AQP8: variants seen among roughly 807,000 people sequenced by gnomAD.
AQP8 encodes aquaporin 8.
In AQP8, 14 loss-of-function variants were observed where a neutral mutation model predicts 26.1. The ratio of observed to expected loss-of-function variants is 0.54; its 90% CI spans 0.35 to 0.84. AQP8 has a LOEUF of 0.84. AQP8 is among the 40% of genes least tolerant of loss of function. The pLI is 0.01. For synonymous variants in AQP8, 131 were observed against 150.7 expected (o/e 0.87, Z 0.96); for missense variants, 301 against 340.5 (o/e 0.88, Z 0.91).
chr16:25,227,406 G>T (rs1257750269), intron 5 of AQP8, among the ~76,000 whole-genome samples: 2 of 152,218 alleles, frequency 1.3e-5, no homozygotes, highest in Non-Finnish European at 2.9e-5. Context: ...ATGTCATAAA[G>T]AGGAATTCAT....
At chr16:25,217,107 GC>G (rs1229672170) in intron 1 of AQP8, 50 bp downstream of exon 1, 1 of 1,613,762 alleles carries the variant, frequency 6.2e-7, no homozygotes, top group East Asian at 2.2e-5. Context: ...AGCAAGGGGG[GC>G]TGTGAATTAA....
chr16:25,220,497 G>T lies in AQP8; in HGVS notation c.261-960G>T, dbSNP rs1209723318. Among the ~76,000 whole-genome samples, 2 of 152,090 alleles carry T rather than the reference G, an allele frequency of 1.3e-5. 1 individual carries two copies. Among genetic ancestry groups the T allele is most frequent in the Non-Finnish European group, 2.9e-5 (2 of 68,018 alleles). ...GAAGGCTCTTTACCCATGAGCCAGG[G>T]GGTGGCTGATCAACTGCAACCTGCC... On this transcript the variant is annotated intron_variant, in intron 2 of 5. Coordinates refer to ENST00000219660, the MANE Select transcript of AQP8 (RefSeq NM_001169.3).
chr16:25,217,599 C>T (rs1252117294), intron 2 of AQP8, among the ~76,000 whole-genome samples, 154 bp downstream of exon 2: 2 of 152,262 alleles, frequency 1.3e-5, no homozygotes, highest in Admixed American at 6.5e-5. Flanking sequence ...CTGGGGTCAA[C>T]TCCAGACCCC....
chr16:25,217,069 G>A lies in AQP8; in HGVS notation c.12+12G>A, dbSNP rs1265843099. Reference sequence around the variant, plus strand: ...TGATGTCTGGAGAGGTGAGCCCTCTGTCGGCATCTTCCTCTCCAGGCTGGC... The same window carrying A: ...TGATGTCTGGAGAGGTGAGCCCTCTATCGGCATCTTCCTCTCCAGGCTGGC... On this transcript the variant is annotated intron_variant, in intron 1 of 5. Transcript: ENST00000219660. 1 of 1,613,986 alleles carries A rather than the reference G, an allele frequency of 6.2e-7. No homozygotes were observed. The highest frequency in any genetic ancestry group is 8.5e-7 in the Non-Finnish European group (1 of 1,180,034).
rs956542440 is a variant in AQP8, at chr16:25,226,629, C to T, written c.603-439C>T. On this transcript the variant is annotated intron_variant, in intron 4 of 5. Transcript: ENST00000219660. ...ACGTCAAAGTAAACGGGGTATTCAT[C>T]CCCTCAAGCATTTATTCTTTGGGTC... Among the ~76,000 whole-genome samples the T allele has an allele frequency of 3.9e-5, 6 of 152,282 alleles. No homozygotes were observed. The South Asian group carries it at 8.3e-4, about 21-fold the overall frequency.
chr16:25,228,114 A>T (rs989869744), intron 5 of AQP8, among the ~76,000 whole-genome samples: 5 of 151,894 alleles, frequency 3.3e-5, no homozygotes, highest in African/African-American at 7.2e-5. Flanking sequence ...TAAAAATACA[A>T]AAATCAGCCA....
intron 4 of AQP8, 127 bp downstream of exon 4, chr16:25,224,703 G>T (rs1057465310): frequency 1.7e-5 from 17 of 982,870 alleles, no homozygotes; most frequent in Non-Finnish European, 2.5e-5. Flanking sequence ...AAATGGGGAG[G>T]GGGGCTGGCA....
chr16:25,217,532 C>A, intron 2 of AQP8, 87 bp downstream of exon 2: 1 of 1,533,114 alleles, frequency 6.5e-7, no homozygotes, highest in Non-Finnish European at 8.8e-7. Flanking sequence ...CCCCTGGGCG[C>A]ATACGTATTC....
intron 2 of AQP8, among the ~76,000 whole-genome samples, chr16:25,220,879 C>T (rs571476477): frequency 6.6e-5 from 10 of 152,240 alleles, no homozygotes; most frequent in African/African-American, 2.2e-4. Flanking sequence ...GGTGAAACCT[C>T]GTCTCTACTA....
intron 4 of AQP8, among the ~76,000 whole-genome samples, chr16:25,225,852 C>G (rs935121549): frequency 8.5e-5 from 13 of 152,132 alleles, no homozygotes; most frequent in Non-Finnish European, 1.6e-4. Flanking sequence ...GATTCTGGGT[C>G]TTAAGCTTGT....
Position 25,217,388 on chromosome 16 carries a change from C to CGCT in AQP8, c.204_205insCTG (p.Pro68_Ala69insLeu), listed in dbSNP as rs762037590. ...GGGACGGACACTGGGCTGCTGCAGC[C>CGCT]GGCCCTGGCCCACGGGCTGGCTTTG... is the stretch of plus-strand genomic sequence containing the variant. On this transcript the variant is annotated inframe_insertion, in exon 2 of 6. Coordinates refer to ENST00000219660, the MANE Select transcript of AQP8 (RefSeq NM_001169.3). 1.2e-6 allele frequency: 2 copies of CGCT among 1,614,016 alleles called. No individual in the cohort carries two copies. The highest frequency in any genetic ancestry group is 2.7e-5 in the African/African-American group (2 of 74,924).
At position 25,218,332 on chromosome 16, in the gene AQP8, CAAG is replaced by C. The variant is rs776683973; in HGVS notation, c.260+891_260+893del. On this transcript the variant is annotated intron_variant, in intron 2 of 5. Coordinates refer to ENST00000219660, the MANE Select transcript of AQP8 (RefSeq NM_001169.3). The stretch of plus-strand genomic sequence containing the variant: ...TGGTCCTGGCTTGTCAAGAGGTGAT[CAAG>C]AAGGAGGGGCAGGGAAAGGGACAGG... Among the ~76,000 whole-genome samples the C allele has an allele frequency of 1.1e-3, 161 of 152,206 alleles. 1 individual carries two copies. The highest frequency in any genetic ancestry group is 1.8e-3 in the Non-Finnish European group (121 of 68,012).
chr16:25,221,569 G>A lies in AQP8; in HGVS notation c.373G>A (p.Ala125Thr). 1 of 1,613,966 alleles carries A rather than the reference G, an allele frequency of 6.2e-7. No individual in the cohort carries two copies. The highest frequency in any genetic ancestry group is 8.5e-7 in the Non-Finnish European group (1 of 1,179,966). Residue 125 changes from alanine to threonine, a missense_variant, in exon 3 of 6, where the codon GCT becomes ACT. By Grantham distance (58) the Ala-to-Thr change is moderately conservative. Coordinates refer to ENST00000219660, the MANE Select transcript of AQP8 (RefSeq NM_001169.3). ...VSQLLGGMLG[A>T]ALAKAVSPEE... The stretch of plus-strand genomic sequence containing the variant: ...ACAGCTGCTCGGGGGGATGCTCGGG[G>A]CTGCCTTGGCCAAGGTGGGTAAACC...
In AQP8 at chr16:25,221,599, G is replaced by T. The variant is rs2141341367; in HGVS notation, c.387+16G>T. ...CTTGGCCAAGGTGGGTAAACCCCAGGGGCTGGGCTAGTCTTCCTCTCTGAT... is the reference window on the plus strand; with the variant it reads ...CTTGGCCAAGGTGGGTAAACCCCAGTGGCTGGGCTAGTCTTCCTCTCTGAT... On this transcript the variant is annotated intron_variant, in intron 3 of 5. Transcript: ENST00000219660. 8.1e-6 allele frequency: 13 copies of T among 1,613,874 alleles called. 1 individual carries two copies. Among genetic ancestry groups the T allele is most frequent in the Middle Eastern group, 1.7e-4 (1 of 6,026 alleles).
chr16:25,228,806 T>C lies in AQP8; in HGVS notation c.*314T>C. ...CCCCGAGTTGGACAAGGAGGCTGTT[T>C]CTGCACATCAGCTCATTTCCCGCAC... On this transcript the variant is annotated 3_prime_UTR_variant, in exon 6 of 6. Transcript: ENST00000219660. The C allele has an allele frequency of 3.9e-6, 1 of 258,540 alleles. No homozygotes were observed. The highest frequency in any genetic ancestry group is 7.4e-6 in the Non-Finnish European group (1 of 135,052). 16.0% of individuals were successfully genotyped at this position (258,540 alleles called of 1,614,324 possible).
At chr16:25,224,607 G>A (rs1334752686) in intron 4 of AQP8, 31 bp downstream of exon 4, 2 of 1,594,108 alleles carry the variant, frequency 1.3e-6, no homozygotes, top group African/African-American at 1.3e-5. Flanking sequence ...GGGTGACCAT[G>A]CCCAGATCTG....
rs1389435864 is a variant in AQP8, at chr16:25,226,786, C to T, written c.603-282C>T. Among the ~76,000 whole-genome samples, 7 of 152,162 alleles carry T rather than the reference C, an allele frequency of 4.6e-5. No homozygotes were observed. In the East Asian group the frequency reaches 1.3e-3, roughly 29 times the overall value. On this transcript the variant is annotated intron_variant, in intron 4 of 5. Transcript: ENST00000219660. ...TGTAGACTTTGGAGCAAATGTAGCT[C>T]CAGCTTCTCTTCCTGCCATCACCCA...
At chr16:25,225,078 A>T (rs11640591) in intron 4 of AQP8, among the ~76,000 whole-genome samples, 22,003 of 152,184 alleles carry the variant, frequency 0.14, 1,995 homozygotes, top group Non-Finnish European at 0.2. Context: ...AGAGGACAGA[A>T]GTGACTTATT....
Position 25,227,118 on chromosome 16 carries a change from C to A in AQP8, c.653C>A (p.Ala218Glu). The A allele has an allele frequency of 1.2e-6, 2 of 1,614,118 alleles. No homozygotes were observed. Among genetic ancestry groups the A allele is most frequent in the South Asian group, 1.1e-5 (1 of 91,080 alleles). ...AATCCCGCCCGTGCTTTTGGACCTG[C>A]GGTGGTGGCCAACCACTGGAACTTC... ...CMNPARAFGP[A>E]VVANHWNFHW... The change falls in exon 5 of 6, where the codon GCG becomes GAG. Residue 218 changes from alanine (A) to glutamate (E), a missense_variant. Ala to Glu is a moderately radical substitution (Grantham distance 107, BLOSUM62 -1). Coordinates refer to ENST00000219660, the MANE Select transcript of AQP8 (RefSeq NM_001169.3).
Sources: allele counts gnomAD v4.1 joint callset (sites outside exome capture counted in the v4.1 genomes callset), GRCh38; gene constraint gnomAD v4.1.1; transcripts MANE v1.5; gene names NCBI Gene and HGNC (gene_info 2026-07-23, HGNC 2026-07-21).